The following ELMOD1 variants were observed in gnomAD, a reference collection of about 807,000 sequenced individuals.
ELMOD1 encodes the protein ELMO domain containing 1.
A neutral mutation model predicts 46.7 loss-of-function variants in ELMOD1; 21 were observed. The observed-to-expected ratio is 0.45, with a 90% confidence interval of 0.32 to 0.65. The LOEUF is 0.65. Among genes scored for constraint, ELMOD1 ranks in the 30% least tolerant of loss-of-function variants. ELMOD1 has a pLI of 0.04. For missense variants in ELMOD1, 348 were observed against 407.8 expected (o/e 0.85, Z 1.26); for synonymous variants, 122 against 138.2 (o/e 0.88, Z 0.82).
intron 1 of ELMOD1, among the ~76,000 whole-genome samples, chr11:107,595,905 G>A (rs1865485049): frequency 1.3e-5 from 2 of 152,070 alleles, no homozygotes; most frequent in African/African-American, 4.8e-5. Context: ...TTTGTACAAT[G>A]TCTGGGTACT....
chr11:107,654,597 G>A lies in ELMOD1; in HGVS notation c.698+375G>A, dbSNP rs558856635. Among the ~76,000 whole-genome samples, 9 of 151,912 alleles carry A rather than the reference G, an allele frequency of 5.9e-5. No individual in the cohort carries two copies. In the East Asian group the frequency reaches 1.2e-3, roughly 20 times the overall value. Reference sequence around the variant, plus strand: ...ATCCTGGCTAACACGGTGAAACCCCGTCTCTACTAAAAATACAAAAAATTA... The same window carrying A: ...ATCCTGGCTAACACGGTGAAACCCCATCTCTACTAAAAATACAAAAAATTA... On this transcript the variant is annotated intron_variant, in intron 10 of 11. Coordinates refer to ENST00000265840, the MANE Select transcript of ELMOD1 (RefSeq NM_018712.4).
At chr11:107,662,476 G>A (rs1293773976) in intron 11 of ELMOD1, among the ~76,000 whole-genome samples, 1 of 150,252 alleles carries the variant, frequency 6.7e-6, no homozygotes, top group Non-Finnish European at 1.5e-5. Context: ...CAGGCGTGGT[G>A]GCGCATGCCT....
intron 1 of ELMOD1, among the ~76,000 whole-genome samples, chr11:107,604,826 T>C (rs1420881866): frequency 6.6e-6 from 1 of 152,240 alleles, no homozygotes; most frequent in Non-Finnish European, 1.5e-5. Context: ...TATTACCTCT[T>C]CTGCACAGTC....
rs1318575511 is a variant in ELMOD1 at position 107,666,085 on chromosome 11, C to T, written c.*888C>T. 2 of 152,134 alleles carry T rather than the reference C, an allele frequency of 1.3e-5. No individual in the cohort carries two copies. Among genetic ancestry groups the T allele is most frequent in the African/African-American group, 4.8e-5 (2 of 41,412 alleles). The allele number at this position is 152,134 out of a possible 1,614,324, so 9.4% of individuals were successfully genotyped here. On this transcript the variant is annotated 3_prime_UTR_variant, in exon 12 of 12. Transcript: ENST00000265840. The stretch of plus-strand genomic sequence containing the variant: ...ACATAGCTATGCTTCATGAGGCTTA[C>T]AAGAAGTAACTTTAGGTAGGAGCTG...
At chr11:107,607,693 G>C (rs1828684056) in intron 1 of ELMOD1, among the ~76,000 whole-genome samples, 1 of 151,904 alleles carries the variant, frequency 6.6e-6, no homozygotes, top group Admixed American at 6.6e-5. Context: ...ACAAGATATA[G>C]GACAAATGGT....
At chr11:107,599,189 A>G (rs1441168266) in intron 1 of ELMOD1, among the ~76,000 whole-genome samples, 3 of 152,200 alleles carry the variant, frequency 2.0e-5, no homozygotes, top group African/African-American at 7.2e-5. Context: ...AAATTGATTT[A>G]GTACAGAGAT....
At chr11:107,652,148 A>T (rs1866537057) in intron 9 of ELMOD1, among the ~76,000 whole-genome samples, 1 of 152,244 alleles carries the variant, frequency 6.6e-6, no homozygotes, top group Non-Finnish European at 1.5e-5. Context: ...ATGTTTCAAA[A>T]TGCTACTGTC....
At chr11:107,622,628 T>TTTGC (rs1394916662) in intron 2 of ELMOD1, among the ~76,000 whole-genome samples, 1 of 152,220 alleles carries the variant, frequency 6.6e-6, no homozygotes, top group Non-Finnish European at 1.5e-5. Context: ...CGGGCTAGAC[T>TTTGC]CCAAGTCTGA....
At chr11:107,638,279 G>T (rs754916935) in intron 6 of ELMOD1, among the ~76,000 whole-genome samples, 1 of 152,174 alleles carries the variant, frequency 6.6e-6, no homozygotes, top group African/African-American at 2.4e-5. Flanking sequence ...TTTCAAGTAC[G>T]ATGATAAAAT....
intron 11 of ELMOD1, among the ~76,000 whole-genome samples, chr11:107,660,435 T>C (rs1866718956): frequency 6.6e-6 from 1 of 152,090 alleles, no homozygotes; most frequent in Non-Finnish European, 1.5e-5. Context: ...ACAGCCCCAT[T>C]GAAATGGAGT....
At chr11:107,625,741 A>G (rs932256316) in intron 2 of ELMOD1, among the ~76,000 whole-genome samples, 11 of 152,260 alleles carry the variant, frequency 7.2e-5, no homozygotes. Context: ...TGAATGTTAA[A>G]TAATAAACGT....
At chr11:107,654,910 T>G (rs1866599731) in intron 10 of ELMOD1, among the ~76,000 whole-genome samples, 1 of 152,224 alleles carries the variant, frequency 6.6e-6, no homozygotes, top group African/African-American at 2.4e-5. Context: ...TAGAGAATTT[T>G]TTTTCTGTGC....
At chr11:107,663,074 C>A (rs555548) in intron 11 of ELMOD1, among the ~76,000 whole-genome samples, 118,896 of 151,814 alleles carry the variant, frequency 0.78, 47,467 homozygotes, top group African/African-American at 0.94. Context: ...AGGAACAAAC[C>A]GTCAGTGTTG....
chr11:107,594,788 A>G (rs2135641985), intron 1 of ELMOD1, among the ~76,000 whole-genome samples: 1 of 152,346 alleles, frequency 6.6e-6, no homozygotes, highest in East Asian at 1.9e-4. Flanking sequence ...TTAAATTGAG[A>G]TCATTTCTGA....
intron 1 of ELMOD1, among the ~76,000 whole-genome samples, chr11:107,604,575 T>C (rs541218734): frequency 5.9e-5 from 9 of 152,294 alleles, no homozygotes; most frequent in African/African-American, 2.2e-4. Flanking sequence ...ATTAGATGAA[T>C]TGTAGTTTAA....
At chr11:107,661,030 G>T (rs141240933) in intron 11 of ELMOD1, among the ~76,000 whole-genome samples, 4 of 152,280 alleles carry the variant, frequency 2.6e-5, no homozygotes, top group Non-Finnish European at 5.9e-5. Flanking sequence ...TAAGTGAGTG[G>T]AGCTTTATGA....
chr11:107,627,792 G>A (rs7120702), intron 2 of ELMOD1, among the ~76,000 whole-genome samples: 4,562 of 152,168 alleles, frequency 0.03, 243 homozygotes, highest in African/African-American at 0.1. Context: ...GATCATAAGG[G>A]TCGTCCTCTT....
intron 1 of ELMOD1, among the ~76,000 whole-genome samples, chr11:107,607,691 T>C (rs1482348473): frequency 1.3e-5 from 2 of 151,746 alleles, no homozygotes; most frequent in African/African-American, 2.4e-5. Flanking sequence ...AAACAAGATA[T>C]AGGACAAATG....
chr11:107,643,481 G>T, intron 6 of ELMOD1: 1 of 303,372 alleles, frequency 3.3e-6, no homozygotes, highest in Non-Finnish European at 6.9e-6. Flanking sequence ...AATAGTTACT[G>T]CTTTTCAGAA....
Sources: allele counts gnomAD v4.1 joint callset (sites outside exome capture counted in the v4.1 genomes callset), GRCh38; gene constraint gnomAD v4.1.1; transcripts MANE v1.5; gene names NCBI Gene and HGNC (gene_info 2026-07-23, HGNC 2026-07-21).